The following SEMA6A variants were observed in gnomAD, a reference collection of about 807,000 sequenced individuals.
SEMA6A encodes semaphorin 6A, also known as semaphorin-6A.
In SEMA6A, 25 loss-of-function variants were observed where a neutral mutation model predicts 96.8. That is an observed-to-expected ratio of 0.26 (90% CI 0.19 to 0.36). The LOEUF (loss-of-function observed/expected upper bound fraction) is 0.36, where lower values mean the gene tolerates loss of function less well. Among genes scored for constraint, SEMA6A ranks in the 10% least tolerant of loss-of-function variants. The pLI, the probability that SEMA6A is intolerant of heterozygous loss-of-function variation, is 1.00. For missense variants in SEMA6A, 1,363 were observed against 1,323.1 expected, an observed-to-expected ratio of 1.03 and a Z score of -0.47; for synonymous variants, 612 against 518.0, an observed-to-expected ratio of 1.18 and a Z score of -2.46.
intron 10 of SEMA6A, among the ~76,000 whole-genome samples, chr5:116,484,950 T>C (rs1371909855): frequency 6.6e-6 from 1 of 152,200 alleles, no homozygotes; most frequent in African/African-American, 2.4e-5. Context: ...TTGTGTGTCA[T>C]GCCAGAGAGC....
intron 5 of SEMA6A, chr5:116,495,881 G>T (rs775902872): frequency 1.9e-5 from 6 of 323,752 alleles, no homozygotes; most frequent in Admixed American, 4.8e-5. Context: ...ATGACCACAG[G>T]CACAAAACCC....
chr5:116,469,794 G>A (rs1755995418), intron 17 of SEMA6A, among the ~76,000 whole-genome samples: 1 of 152,186 alleles, frequency 6.6e-6, no homozygotes, highest in Admixed American at 6.5e-5. Flanking sequence ...CATATGCTGT[G>A]AATACATGGA....
At chr5:116,494,091 A>G (rs1383112239) in intron 6 of SEMA6A, among the ~76,000 whole-genome samples, 1 of 152,026 alleles carries the variant, frequency 6.6e-6, no homozygotes, top group South Asian at 2.1e-4. Flanking sequence ...GTGCTTATCT[A>G]TTATTAAATC....
At chr5:116,492,756 C>G (rs1056212219) in intron 6 of SEMA6A, among the ~76,000 whole-genome samples, 1 of 152,156 alleles carries the variant, frequency 6.6e-6, no homozygotes, top group African/African-American at 2.4e-5. Context: ...ATTTGTCACT[C>G]TCTTGCTTCA....
At chr5:116,482,013 A>C (rs180719081) in intron 11 of SEMA6A, among the ~76,000 whole-genome samples, 2 of 152,256 alleles carry the variant, frequency 1.3e-5, no homozygotes, top group African/African-American at 2.4e-5. Flanking sequence ...CTTGGTCACA[A>C]ATCCGGAAAA....
intron 1 of SEMA6A, among the ~76,000 whole-genome samples, chr5:116,558,525 C>A (rs569922940): frequency 0.073 from 3,919 of 54,032 alleles, 1,665 homozygotes; most frequent in Middle Eastern, 0.25. Context: ...TGCAGTGGCG[C>A]AATCTCGGCT....
At position 116,564,575 on chromosome 5, in the gene SEMA6A, C is replaced by T. The variant is rs565638875; in HGVS notation, c.-39+9610G>A. Among the ~76,000 whole-genome samples the T allele has an allele frequency of 5.9e-5, 9 of 152,268 alleles. No homozygotes were observed. In the South Asian group the frequency reaches 1.9e-3, roughly 32 times the overall value. ...TGTGTTCTGCATCACACGTGAAGCA[C>T]ATAAATCGCCAGAATGTGTGTATGT... is the stretch of plus-strand genomic sequence containing the variant. On this transcript the variant is annotated intron_variant, in intron 1 of 18. Coordinates refer to ENST00000343348, the MANE Select transcript of SEMA6A (RefSeq NM_020796.5).
intron 4 of SEMA6A, 32 bp downstream of exon 4, chr5:116,497,295 C>A (rs1347665358): frequency 7.3e-7 from 1 of 1,374,414 alleles, no homozygotes; most frequent in African/African-American, 1.4e-5. Flanking sequence ...AAAGGTCCTT[C>A]ATTTTACAAA....
chr5:116,512,278 C>T (rs976205865), intron 1 of SEMA6A, among the ~76,000 whole-genome samples: 2 of 152,142 alleles, frequency 1.3e-5, no homozygotes, highest in African/African-American at 4.8e-5. Flanking sequence ...GCCGCCTGTT[C>T]AGTGATATTT....
At chr5:116,450,834 A>G (rs971206537) in intron 18 of SEMA6A, among the ~76,000 whole-genome samples, 1 of 152,228 alleles carries the variant, frequency 6.6e-6, no homozygotes. Flanking sequence ...ATGGAAACAG[A>G]TCAGAGAGTA....
chr5:116,466,353 T>C (rs1157149917), intron 18 of SEMA6A, among the ~76,000 whole-genome samples: 1 of 141,494 alleles, frequency 7.1e-6, no homozygotes, highest in Admixed American at 7.5e-5. Context: ...CACTCCAGCG[T>C]AGGCAACAGA....
At position 116,491,750 on chromosome 5, in the gene SEMA6A, T is replaced by C. The variant is rs774811553; in HGVS notation, c.525A>G (p.Ala175=). 3 of 1,613,420 alleles carry C rather than the reference T, an allele frequency of 1.9e-6. No individual in the cohort carries two copies. In the East Asian group the frequency reaches 6.7e-5, roughly 36 times the overall value. The change falls in exon 7 of 19, where the codon GCA becomes GCG. Residue 175 remains alanine (A), a synonymous_variant. Transcript: ENST00000343348. ...AATCAGGTCGCTTACCTGCAAACAG[T>C]GCAACGTTGGCATGTTTGGCATCAT... is the stretch of plus-strand genomic sequence containing the variant. ...CPYDAKHANV[A]LFADGKLYSA...
At position 116,445,747 on chromosome 5, in the gene SEMA6A, C is replaced by G. The variant is rs1046158068; in HGVS notation, c.*866G>C. The G allele has an allele frequency of 6.6e-5, 10 of 152,596 alleles. No individual in the cohort carries two copies. The highest frequency in any genetic ancestry group is 1.3e-4 in the Non-Finnish European group (9 of 68,028). 9.5% of individuals were successfully genotyped at this position (152,596 alleles called of 1,614,324 possible). On this transcript the variant is annotated 3_prime_UTR_variant, in exon 19 of 19. Coordinates refer to ENST00000343348, the MANE Select transcript of SEMA6A (RefSeq NM_020796.5). ...ACAAAGCTCAGAATTCCAGCTCCAACTTATTTACTCAGTGAATTTATTGTA... is the reference window on the plus strand; with the variant it reads ...ACAAAGCTCAGAATTCCAGCTCCAAGTTATTTACTCAGTGAATTTATTGTA...
chr5:116,565,946 G>A (rs901682004), intron 1 of SEMA6A, among the ~76,000 whole-genome samples: 4 of 152,086 alleles, frequency 2.6e-5, no homozygotes, highest in African/African-American at 9.7e-5. Context: ...TGCTGAAGTC[G>A]CTGCAATATT....
At chr5:116,550,581 C>A (rs140990395) in intron 1 of SEMA6A, 1 of 152,136 alleles carries the variant, frequency 6.6e-6, no homozygotes, top group African/African-American at 2.4e-5. Flanking sequence ...AAGGATCTGT[C>A]AGCATGTGCC....
At chr5:116,491,718 G>C in intron 7 of SEMA6A, 22 bp downstream of exon 7, 2 of 1,594,966 alleles carry the variant, frequency 1.3e-6, no homozygotes, top group Non-Finnish European at 1.7e-6. Flanking sequence ...CAAGTGCAAC[G>C]AGGAGAAATC....
chr5:116,454,345 A>G (rs1754851163), intron 18 of SEMA6A, among the ~76,000 whole-genome samples: 1 of 152,162 alleles, frequency 6.6e-6, no homozygotes. Flanking sequence ...TTATAGTAAG[A>G]CAAGCCTACA....
At chr5:116,539,421 C>G (rs1759865177) in intron 1 of SEMA6A, among the ~76,000 whole-genome samples, 2 of 152,128 alleles carry the variant, frequency 1.3e-5, no homozygotes, top group Admixed American at 1.3e-4. Flanking sequence ...GAGAACAAAA[C>G]AAATCATTGA....
At chr5:116,486,534 A>G (rs550647804) in intron 10 of SEMA6A, 78 of 526,372 alleles carry the variant, frequency 1.5e-4, no homozygotes, top group African/African-American at 7.0e-4. Context: ...AGATATTGTC[A>G]TAATTTATCT....
Sources: gnomAD v4.1 joint callset for allele counts (sites outside exome capture counted in the v4.1 genomes callset) on GRCh38, gnomAD v4.1.1 for gene constraint, MANE v1.5 for transcripts, NCBI Gene and HGNC (gene_info 2026-07-23, HGNC 2026-07-21) for gene names.